The following PALLD variants were observed in gnomAD, a reference collection of about 807,000 sequenced individuals.
The protein encoded by PALLD is palladin.
In PALLD, 61 loss-of-function variants were observed where a neutral mutation model predicts 123.5. The ratio of observed to expected loss-of-function variants is 0.49; its 90% CI spans 0.40 to 0.61. PALLD has a LOEUF of 0.61. Among genes scored for constraint, PALLD ranks in the 20% least tolerant of loss-of-function variants. The pLI is 0.00. For synonymous variants in PALLD, 465 were observed against 496.4 expected (o/e 0.94, Z 0.84); for missense variants, 1,273 against 1,377.0 (o/e 0.92, Z 1.20).
At chr4:168,672,927 T>C (rs1020906725) in intron 3 of PALLD, among the ~76,000 whole-genome samples, 3 of 152,104 alleles carry the variant, frequency 2.0e-5, no homozygotes, top group Non-Finnish European at 2.9e-5. Context: ...AGTCAAGGAT[T>C]CAAACCTAGG....
In PALLD at chr4:168,691,127, T is replaced by C. The variant is rs566496948; in HGVS notation, c.1478-142T>C. The C allele has an allele frequency of 1.0e-5, 7 of 686,040 alleles. No individual in the cohort carries two copies. In the East Asian group the frequency reaches 1.6e-4, roughly 16 times the overall value. The allele number at this position is 686,040 out of a possible 1,614,324, so 42.5% of individuals were successfully genotyped here. A position where few individuals can be genotyped will look rare whatever the true frequency, so the allele number is the denominator to read the frequency against. ...AAACCGATCTATCACTTTATATCTT[T>C]TGTATGATGGAGTTTGACTGTAACA... On this transcript the variant is annotated intron_variant, in intron 7 of 21. Coordinates refer to ENST00000505667, the MANE Select transcript of PALLD (RefSeq NM_001166108.2).
chr4:168,766,122 C>A (rs1461258023), intron 10 of PALLD, among the ~76,000 whole-genome samples: 1 of 152,128 alleles, frequency 6.6e-6, no homozygotes, highest in Non-Finnish European at 1.5e-5. Flanking sequence ...CTGAATCCTG[C>A]CAAATGTGAG....
chr4:168,587,539 A>G (rs920623180), intron 2 of PALLD, among the ~76,000 whole-genome samples: 3 of 152,078 alleles, frequency 2.0e-5, no homozygotes, highest in Admixed American at 1.3e-4. Context: ...TGCTAGGGAG[A>G]GCGGATGTGA....
intron 2 of PALLD, among the ~76,000 whole-genome samples, chr4:168,575,005 G>A (rs1769402076): frequency 6.6e-6 from 1 of 152,024 alleles, no homozygotes; most frequent in African/African-American, 2.4e-5. Context: ...TAATATCCGG[G>A]ATTAAAAGCT....
chr4:168,895,283 G>A (rs1013049410), intron 12 of PALLD, among the ~76,000 whole-genome samples: 1 of 152,220 alleles, frequency 6.6e-6, no homozygotes, highest in Non-Finnish European at 1.5e-5. Context: ...TCGGGAAGCT[G>A]AGGCAGGAGA....
chr4:168,649,674 C>A (rs1777835601), intron 2 of PALLD, among the ~76,000 whole-genome samples: 1 of 152,150 alleles, frequency 6.6e-6, no homozygotes, highest in African/African-American at 2.4e-5. Context: ...GCATAACAAC[C>A]TTATGAGGAA....
intron 10 of PALLD, among the ~76,000 whole-genome samples, chr4:168,888,129 T>C (rs933322894): frequency 1.3e-5 from 2 of 152,088 alleles, no homozygotes; most frequent in African/African-American, 4.8e-5. Flanking sequence ...TATGCACGTG[T>C]TTGTTAAAGG....
At chr4:168,726,809 A>G (rs998555140) in intron 10 of PALLD, among the ~76,000 whole-genome samples, 4 of 151,978 alleles carry the variant, frequency 2.6e-5, no homozygotes, top group African/African-American at 9.7e-5. Flanking sequence ...CAGGTTTGCT[A>G]CATGGGTATA....
intron 6 of PALLD, among the ~76,000 whole-genome samples, chr4:168,689,432 CTTTTTTTTTTTTTTTT>C (rs70961551): frequency 0.18 from 9,206 of 50,312 alleles, 478 homozygotes; most frequent in Middle Eastern, 0.39. Flanking sequence ...ATCCAATATT[CTTTTTTTTTTTTTTTT>C]TTTTTTTTTT....
At chr4:168,559,437 C>T (rs548559876) in intron 2 of PALLD, among the ~76,000 whole-genome samples, 1 of 152,242 alleles carries the variant, frequency 6.6e-6, no homozygotes, top group South Asian at 2.1e-4. Context: ...TATGCCCCCA[C>T]CTTGACACTG....
intron 2 of PALLD, among the ~76,000 whole-genome samples, chr4:168,555,597 T>G (rs1196198084): frequency 6.6e-6 from 1 of 152,198 alleles, no homozygotes; most frequent in African/African-American, 2.4e-5. Flanking sequence ...GATCTGATAT[T>G]AGCAGATCAA....
chr4:168,779,990 C>T (rs1382500789), intron 10 of PALLD, among the ~76,000 whole-genome samples: 2 of 152,006 alleles, frequency 1.3e-5, no homozygotes, highest in Non-Finnish European at 2.9e-5. Context: ...CCTCCACCAC[C>T]GGGGTTCAAG....
chr4:168,808,812 A>G lies in PALLD; in HGVS notation c.1965-82110A>G, dbSNP rs146057639. Reference sequence around the variant, plus strand: ...ACTTATTCACTACTACAATAACAGTATGGAGGAAACTGCCCCCATGATTCA... The same window carrying G: ...ACTTATTCACTACTACAATAACAGTGTGGAGGAAACTGCCCCCATGATTCA... On this transcript the variant is annotated intron_variant, in intron 10 of 21. Coordinates refer to ENST00000505667, the MANE Select transcript of PALLD (RefSeq NM_001166108.2). Among the ~76,000 whole-genome samples the G allele has an allele frequency of 2.9e-4, 44 of 152,288 alleles. No individual in the cohort carries two copies. The East Asian group carries it at 8.3e-3, about 29-fold the overall frequency.
chr4:168,893,570 G>A (rs926454483), intron 11 of PALLD, among the ~76,000 whole-genome samples: 1 of 152,162 alleles, frequency 6.6e-6, no homozygotes, highest in South Asian at 2.1e-4. Flanking sequence ...AATAATTTCT[G>A]TACATTTTTT....
intron 1 of PALLD, among the ~76,000 whole-genome samples, chr4:168,508,802 T>C (rs1762262660): frequency 6.6e-6 from 1 of 152,082 alleles, no homozygotes; most frequent in Non-Finnish European, 1.5e-5. Context: ...TCCACCTTCA[T>C]GTCTCTTCTG....
At chr4:168,701,922 C>A (rs1783709702) in intron 8 of PALLD, among the ~76,000 whole-genome samples, 1 of 152,188 alleles carries the variant, frequency 6.6e-6, no homozygotes, top group Non-Finnish European at 1.5e-5. Flanking sequence ...GCCTGAAGCC[C>A]ACTACTCCAA....
At chr4:168,834,548 C>A (rs1744833725) in intron 10 of PALLD, among the ~76,000 whole-genome samples, 2 of 152,104 alleles carry the variant, frequency 1.3e-5, no homozygotes, top group African/African-American at 4.8e-5. Context: ...ACCAGCCTGA[C>A]CAACGTGGTG....
intron 2 of PALLD, among the ~76,000 whole-genome samples, chr4:168,565,023 CAAAA>C (rs761594759): frequency 5.2e-5 from 6 of 116,016 alleles, no homozygotes; most frequent in East Asian, 2.4e-4. Context: ...CCATCTCTAC[CAAAA>C]AAAAAAAAAA....
intron 2 of PALLD, among the ~76,000 whole-genome samples, chr4:168,550,390 C>T (rs995147674): frequency 6.6e-6 from 1 of 152,088 alleles, no homozygotes; most frequent in African/African-American, 2.4e-5. Context: ...CCCAGGCCTA[C>T]AAGTATTTGA....
Sources: allele counts gnomAD v4.1 joint callset (sites outside exome capture counted in the v4.1 genomes callset), GRCh38; gene constraint gnomAD v4.1.1; transcripts MANE v1.5; gene names NCBI Gene and HGNC (gene_info 2026-07-23, HGNC 2026-07-21).